The following CEP89 variants were observed in gnomAD, a reference collection of about 807,000 sequenced individuals.
The protein encoded by CEP89 is centrosomal protein 89, also known as centrosomal protein of 89 kDa.
A neutral mutation model predicts 97.6 loss-of-function variants in CEP89; 95 were observed. The observed-to-expected ratio is 0.97, with a 90% CI of 0.82 to 1.15. The LOEUF (loss-of-function observed/expected upper bound fraction) is 1.15. Ranked by LOEUF, CEP89 falls within the 50% of genes most tolerant of loss-of-function variation. The pLI is 0.00. For missense variants in CEP89, 869 were observed against 947.7 expected (o/e 0.92, Z 1.09); for synonymous variants, 354 against 349.1 (o/e 1.01, Z -0.16).
chr19:32,914,068 GGTA>G (rs1245217873), intron 14 of CEP89, among the ~76,000 whole-genome samples: 2 of 152,180 alleles, frequency 1.3e-5, no homozygotes, highest in Non-Finnish European at 2.9e-5. Flanking sequence ...GTGGGGCTGA[GGTA>G]GTAGGAGAAC....
At chr19:32,903,377 C>T (rs1969822514) in intron 14 of CEP89, among the ~76,000 whole-genome samples, 1 of 152,046 alleles carries the variant, frequency 6.6e-6, no homozygotes, top group African/African-American at 2.4e-5. Context: ...AAAATATGAT[C>T]CATGATCAGG....
chr19:32,942,128 C>T (rs1215041661), intron 5 of CEP89, among the ~76,000 whole-genome samples: 1 of 152,066 alleles, frequency 6.6e-6, no homozygotes, highest in Non-Finnish European at 1.5e-5. Context: ...ATGCCTGTAA[C>T]CCCAGCACTT....
intron 4 of CEP89, among the ~76,000 whole-genome samples, chr19:32,949,635 T>C (rs4805023): frequency 0.36 from 53,918 of 151,818 alleles, 9,783 homozygotes; most frequent in Admixed American, 0.48. Context: ...CCTCCTGCCT[T>C]GGCCTCCCAA....
chr19:32,895,982 G>A (rs1175509797), intron 16 of CEP89, among the ~76,000 whole-genome samples: 2 of 152,120 alleles, frequency 1.3e-5, no homozygotes, highest in Non-Finnish European at 2.9e-5. Context: ...CAAACTAATG[G>A]AAAGACATCC....
chr19:32,935,040 G>C (rs186145374), intron 7 of CEP89, among the ~76,000 whole-genome samples: 1 of 152,364 alleles, frequency 6.6e-6, no homozygotes, highest in East Asian at 1.9e-4. Context: ...AGTGGGAATA[G>C]CAAGGGGTTA....
intron 18 of CEP89, 148 bp downstream of exon 18, chr19:32,881,696 G>A (rs1275652961): frequency 4.2e-6 from 3 of 706,354 alleles, no homozygotes; most frequent in Middle Eastern, 4.3e-4. Flanking sequence ...AATAAAACTT[G>A]AGACCAATAT....
chr19:32,918,384 ATGG>A, intron 12 of CEP89, 45 bp from the exon 13 acceptor site: 1 of 1,392,406 alleles, frequency 7.2e-7, no homozygotes, highest in Non-Finnish European at 1.0e-6. Context: ...CAGGTGCTGA[ATGG>A]TTACAGAAAC....
At chr19:32,920,515 G>C (rs561955519) in intron 12 of CEP89, among the ~76,000 whole-genome samples, 1 of 151,684 alleles carries the variant, frequency 6.6e-6, no homozygotes, top group African/African-American at 2.4e-5. Context: ...ACATGGTCTC[G>C]CTCTGTTGCC....
At position 32,971,941 on chromosome 19, in the gene CEP89, C is replaced by T. The variant is rs1005386327; in HGVS notation, c.-67G>A. ...AGCAGATCTATCCACAGCCAGGGAC[C>T]ACTCCCTAAAGCCCGCCGCAGGCCC... On this transcript the variant is annotated 5_prime_UTR_variant, in exon 1 of 19. Coordinates refer to ENST00000305768, the MANE Select transcript of CEP89 (RefSeq NM_032816.5). 83 of 1,532,240 alleles carry T rather than the reference C, an allele frequency of 5.4e-5. No individual in the cohort carries two copies. The highest frequency in any genetic ancestry group is 7.1e-5 in the Non-Finnish European group (80 of 1,127,868). 94.9% of individuals were successfully genotyped at this position (1,532,240 alleles called of 1,614,324 possible).
At chr19:32,961,945 C>T (rs1163757325) in intron 2 of CEP89, among the ~76,000 whole-genome samples, 1 of 151,704 alleles carries the variant, frequency 6.6e-6, no homozygotes, top group Non-Finnish European at 1.5e-5. Context: ...CGCCCAGCTG[C>T]TGTTTTGTTT....
At chr19:32,886,291 C>T (rs1969393343) in intron 17 of CEP89, among the ~76,000 whole-genome samples, 2 of 152,142 alleles carry the variant, frequency 1.3e-5, no homozygotes, top group Admixed American at 6.5e-5. Context: ...CTCTGAATTC[C>T]TCTGGAATGA....
chr19:32,965,145 A>C (rs191273039), intron 2 of CEP89, among the ~76,000 whole-genome samples: 3 of 152,178 alleles, frequency 2.0e-5, no homozygotes, highest in East Asian at 3.9e-4. Flanking sequence ...ACTCCTGGGC[A>C]CAAGCAATTC....
In CEP89 at chr19:32,927,928, T is replaced by C. The variant is rs537168772; in HGVS notation, c.1030-944A>G. 7.2e-3 allele frequency among the ~76,000 whole-genome samples: 1,056 copies of C among 146,718 alleles called. 16 individuals carry two copies. Among genetic ancestry groups the C allele is most frequent in the African/African-American group, 0.025 (999 of 39,784 alleles). ...CTTTTTTTTTTTTTTTCTTTTTTTT[T>C]TTTTTTTGAGACAGTCTCGCTCTGT... is the stretch of plus-strand genomic sequence containing the variant. On this transcript the variant is annotated intron_variant, in intron 9 of 18. Coordinates refer to ENST00000305768, the MANE Select transcript of CEP89 (RefSeq NM_032816.5).
chr19:32,923,691 C>G, intron 11 of CEP89, 149 bp from the exon 12 acceptor site: 1 of 614,174 alleles, frequency 1.6e-6, no homozygotes, highest in East Asian at 2.8e-5. Flanking sequence ...TCGGTACCAG[C>G]ACCAGTGGTG....
At chr19:32,963,247 T>C (rs994941636) in intron 2 of CEP89, among the ~76,000 whole-genome samples, 1 of 152,006 alleles carries the variant, frequency 6.6e-6, no homozygotes, top group Admixed American at 6.6e-5. Flanking sequence ...TCCCAGCTAC[T>C]TAGGAGGCTG....
intron 12 of CEP89, among the ~76,000 whole-genome samples, chr19:32,918,692 T>A (rs1970181754): frequency 6.6e-6 from 1 of 152,156 alleles, no homozygotes; most frequent in Admixed American, 6.6e-5. Flanking sequence ...CTAGTCCTGC[T>A]GCCCACTATA....
chr19:32,971,375 C>G, intron 1 of CEP89: 1 of 426,584 alleles, frequency 2.3e-6, no homozygotes, highest in Middle Eastern at 6.1e-4. Context: ...CTGTGGCCGA[C>G]CCTGGGGCAG....
chr19:32,903,798 G>C (rs1050101681), intron 14 of CEP89, among the ~76,000 whole-genome samples: 6 of 152,176 alleles, frequency 3.9e-5, no homozygotes, highest in Non-Finnish European at 7.3e-5. Flanking sequence ...ATAGCCAAAA[G>C]ATTTCCAAAC....
chr19:32,969,586 G>A (rs1046086798), intron 1 of CEP89: 1 of 152,532 alleles, frequency 6.6e-6, no homozygotes, highest in Non-Finnish European at 1.5e-5. Context: ...AGGGATGGAG[G>A]GTGAAGGGGG....
Sources: gnomAD v4.1 joint callset for allele counts (sites outside exome capture counted in the v4.1 genomes callset) on GRCh38, gnomAD v4.1.1 for gene constraint, MANE v1.5 for transcripts, NCBI Gene and HGNC (gene_info 2026-07-23, HGNC 2026-07-21) for gene names.